The following PXDN variants were observed in gnomAD, a reference collection of about 807,000 sequenced individuals.
PXDN encodes peroxidasin.
In PXDN, 77 loss-of-function variants were observed where a neutral mutation model predicts 140.3. The observed-to-expected ratio is 0.55, with a 90% CI of 0.46 to 0.66. The LOEUF is 0.66. Among genes scored for constraint, PXDN ranks in the 30% least tolerant of loss-of-function variants. PXDN has a pLI of 0.00. For synonymous variants in PXDN, 911 were observed against 857.4 expected, an observed-to-expected ratio of 1.06 and a Z score of -1.09; for missense variants, 1,838 against 2,039.5, an observed-to-expected ratio of 0.90 and a Z score of 1.90.
At chr2:1,733,292 A>C (rs1685351637) in intron 1 of PXDN, among the ~76,000 whole-genome samples, 1 of 152,222 alleles carries the variant, frequency 6.6e-6, no homozygotes, top group Non-Finnish European at 1.5e-5. Context: ...CAAAAAACAC[A>C]GAGAAAACCA....
At chr2:1,671,071 A>G (rs1683564546) in intron 9 of PXDN, among the ~76,000 whole-genome samples, 1 of 152,032 alleles carries the variant, frequency 6.6e-6, no homozygotes, top group Non-Finnish European at 1.5e-5. Context: ...GAACAAAATA[A>G]TAATGTTTAT....
intron 1 of PXDN, among the ~76,000 whole-genome samples, chr2:1,736,741 A>G (rs770148607): frequency 2.6e-5 from 4 of 152,152 alleles, no homozygotes; most frequent in Non-Finnish European, 4.4e-5. Context: ...AGGAGTAGCT[A>G]AAAGTAGGAG....
intron 1 of PXDN, among the ~76,000 whole-genome samples, chr2:1,740,085 C>A (rs1475975552): frequency 6.6e-6 from 1 of 152,214 alleles, no homozygotes; most frequent in Non-Finnish European, 1.5e-5. Flanking sequence ...AGAGGCCTGG[C>A]GTCCCGGGAC....
At chr2:1,674,909 G>A (rs1190874921) in intron 8 of PXDN, among the ~76,000 whole-genome samples, 3 of 152,148 alleles carry the variant, frequency 2.0e-5, no homozygotes, top group South Asian at 2.1e-4. Context: ...AAGCTGGGTC[G>A]CTCATGCAGG....
intron 1 of PXDN, among the ~76,000 whole-genome samples, chr2:1,715,791 C>G (rs1309905605): frequency 1.3e-5 from 2 of 152,226 alleles, no homozygotes; most frequent in Non-Finnish European, 2.9e-5. Flanking sequence ...AGCCCAACCT[C>G]TGCAGGATGA....
At chr2:1,663,868 G>C (rs1179546867) in intron 11 of PXDN, 105 bp from the exon 12 acceptor site, 1 of 1,455,830 alleles carries the variant, frequency 6.9e-7, no homozygotes, top group Non-Finnish European at 9.3e-7. Context: ...CTGGGTCGGG[G>C]CGCCGGATAA....
chr2:1,683,843 T>C, intron 5 of PXDN, 116 bp from the exon 6 acceptor site: 1 of 923,766 alleles, frequency 1.1e-6, no homozygotes, highest in Non-Finnish European at 1.6e-6. Context: ...GTGATTACAT[T>C]TATTTAATAC....
intron 14 of PXDN, among the ~76,000 whole-genome samples, chr2:1,657,876 C>CGCTGTCTCTCTCTCTCTCTCTCT: frequency 6.7e-6 from 1 of 148,250 alleles, no homozygotes; most frequent in Admixed American, 6.6e-5. Flanking sequence ...CGTGCCCCCT[C>CGCTGTCTCTCTCTCTCTCTCTCT]CTGACCGAAA....
chr2:1,658,463 G>C (rs1009997592), intron 14 of PXDN, among the ~76,000 whole-genome samples: 6 of 151,632 alleles, frequency 4.0e-5, no homozygotes, highest in African/African-American at 9.7e-5. Flanking sequence ...GGCCCCCTCA[G>C]ATCTGCTACT....
At chr2:1,681,294 AGG>A (rs1188374750) in intron 6 of PXDN, among the ~76,000 whole-genome samples, 8 of 151,418 alleles carry the variant, frequency 5.3e-5, no homozygotes, top group African/African-American at 1.9e-4. Flanking sequence ...TGCTTTGCTG[AGG>A]GTCTCTATTT....
intron 6 of PXDN, among the ~76,000 whole-genome samples, chr2:1,681,831 T>C (rs977159316): frequency 2.6e-5 from 4 of 152,164 alleles, no homozygotes; most frequent in Non-Finnish European, 5.9e-5. Context: ...ATCTGGCCAG[T>C]CGGTCCTGGT....
rs1021777787 is a variant in PXDN at position 1,714,079 on chromosome 2, G to A, written c.201-20945C>T. 4.6e-5 allele frequency among the ~76,000 whole-genome samples: 7 copies of A among 152,168 alleles called. No individual in the cohort carries two copies. Among genetic ancestry groups the A allele is most frequent in the African/African-American group, 7.2e-5 (3 of 41,466 alleles). ...ACTGGCGGCTTTGGAAATGGCCTTC[G>A]GATAAACAGCTTCAAGAAAGCGCAT... On this transcript the variant is annotated intron_variant, in intron 1 of 22. Transcript: ENST00000252804. The surrounding 1 kb of genome is among the most constrained non-coding windows in gnomAD (Gnocchi z 4.3).
rs1327206901 is a variant in PXDN at position 1,638,783 on chromosome 2, C to T, written c.4206+63G>A. 8.1e-6 allele frequency: 13 copies of T among 1,606,038 alleles called. No homozygotes were observed. The East Asian group carries it at 2.0e-4, about 25-fold the overall frequency. On this transcript the variant is annotated intron_variant, in intron 21 of 22. Transcript: ENST00000252804. ...AATAAAATGCTATACCCAGAAGGTT[C>T]GGGCAGGGCTGTGCTGCTGTGGAAT...
chr2:1,700,497 T>C (rs1208410439), intron 1 of PXDN, among the ~76,000 whole-genome samples: 1 of 152,172 alleles, frequency 6.6e-6, no homozygotes, highest in Non-Finnish European at 1.5e-5. Context: ...AGCTCCTCAT[T>C]AAGGTACAGG....
At chr2:1,679,603 G>A (rs1406383291) in intron 7 of PXDN, among the ~76,000 whole-genome samples, 7 of 95,032 alleles carry the variant, frequency 7.4e-5, no homozygotes, top group African/African-American at 5.1e-4. Context: ...GTATGTGCGT[G>A]TGTGTGTGTG....
intron 1 of PXDN, among the ~76,000 whole-genome samples, chr2:1,700,378 TTTTC>T (rs1349804272): frequency 3.3e-5 from 5 of 152,154 alleles, no homozygotes; most frequent in Admixed American, 3.3e-4. Flanking sequence ...TGGATTTTTT[TTTTC>T]TTTGAGTATT....
intron 1 of PXDN, among the ~76,000 whole-genome samples, chr2:1,731,216 A>G (rs938061393): frequency 3.9e-5 from 6 of 152,144 alleles, no homozygotes; most frequent in Non-Finnish European, 5.9e-5. Flanking sequence ...AGAGCGAGCA[A>G]TAATTGTGTG....
At position 1,684,319 on chromosome 2, in the gene PXDN, A is replaced by C. The variant is rs6710867; in HGVS notation, c.417-168T>G. Among the ~76,000 whole-genome samples the C allele has an allele frequency of 0.26, 38,889 of 152,104 alleles. 5,812 individuals carry two copies. Among genetic ancestry groups the C allele is most frequent in the African/African-American group, 0.42 (17,386 of 41,450 alleles). Reference sequence around the variant, plus strand: ...AATACATAAAATTATCAAATGATTCAATAAATACAACTGAACACTAGGCAC... The same window carrying C: ...AATACATAAAATTATCAAATGATTCCATAAATACAACTGAACACTAGGCAC... On this transcript the variant is annotated intron_variant, in intron 4 of 22. Transcript: ENST00000252804.
Position 1,685,512 on chromosome 2 carries a change from C to A in PXDN, c.417-1361G>T, listed in dbSNP as rs1684032262. Among the ~76,000 whole-genome samples the A allele has an allele frequency of 6.6e-6, 1 of 152,144 alleles. No individual in the cohort carries two copies. Among genetic ancestry groups the A allele is most frequent in the South Asian group, 2.1e-4 (1 of 4,822 alleles). On this transcript the variant is annotated intron_variant, in intron 4 of 22. Coordinates refer to ENST00000252804, the MANE Select transcript of PXDN (RefSeq NM_012293.3). The surrounding 1 kb of genome is among the most constrained non-coding windows in gnomAD (Gnocchi z 5.1). ...GGACCGATGTAAGACCCAGGCACCA[C>A]CACGGCACAGTGGCTGTGAGCTGCT...
Sources: gnomAD v4.1 joint callset for allele counts (sites outside exome capture counted in the v4.1 genomes callset) on GRCh38, gnomAD v4.1.1 for gene constraint, Gnocchi (gnomAD v3.1) non-coding constraint, MANE v1.5 for transcripts, NCBI Gene and HGNC (gene_info 2026-07-23, HGNC 2026-07-21) for gene names.